Variants in LRRTM4 observed in about 807,000 individuals in gnomAD.
LRRTM4 encodes the protein leucine rich repeat transmembrane neuronal 4, also known as leucine-rich repeat transmembrane neuronal protein 4.
LRRTM4 carries 25 observed loss-of-function variants against 47.6 expected under a neutral mutation model. The observed-to-expected ratio is 0.53, with a 90% CI of 0.38 to 0.73. The LOEUF (loss-of-function observed/expected upper bound fraction) is 0.73, where lower values mean the gene tolerates loss of function less well. Ranked by LOEUF, LRRTM4 falls within the 30% of genes least tolerant of loss-of-function variation. The pLI, the probability that LRRTM4 is intolerant of heterozygous loss-of-function variation, is 0.00. For synonymous variants in LRRTM4, 311 were observed against 269.5 expected, an observed-to-expected ratio of 1.15 and a Z score of -1.51; for missense variants, 638 against 713.4, an observed-to-expected ratio of 0.89 and a Z score of 1.20.
chr2:76,855,323 C>A (rs377619625), intron 3 of LRRTM4, among the ~76,000 whole-genome samples: 2 of 152,114 alleles, frequency 1.3e-5, no homozygotes, highest in Admixed American at 6.6e-5. Flanking sequence ...ATTATGAATG[C>A]CCTGCCTTAC....
chr2:77,372,118 T>G (rs1226560477), intron 3 of LRRTM4, among the ~76,000 whole-genome samples: 1 of 151,686 alleles, frequency 6.6e-6, no homozygotes, highest in African/African-American at 2.4e-5. Context: ...AATATGACAA[T>G]AGGCTGCTGG....
intron 3 of LRRTM4, among the ~76,000 whole-genome samples, chr2:77,005,735 C>T (rs777780183): frequency 3.9e-5 from 6 of 152,236 alleles, no homozygotes; most frequent in South Asian, 2.1e-4. Flanking sequence ...ATTCACCTTC[C>T]GCAGTGATTG....
At chr2:77,300,462 A>T (rs186847605) in intron 3 of LRRTM4, among the ~76,000 whole-genome samples, 1 of 152,180 alleles carries the variant, frequency 6.6e-6, no homozygotes, top group Non-Finnish European at 1.5e-5. Flanking sequence ...CTAGATGGGT[A>T]ATTTAGAGCT....
chr2:76,920,474 A>T (rs1211835968), intron 3 of LRRTM4, among the ~76,000 whole-genome samples: 1 of 152,132 alleles, frequency 6.6e-6, no homozygotes, highest in Non-Finnish European at 1.5e-5. Context: ...CACTTGTGTG[A>T]AAGTCTGACA....
chr2:77,361,306 CTG>C (rs922325624), intron 3 of LRRTM4, among the ~76,000 whole-genome samples: 5 of 151,018 alleles, frequency 3.3e-5, no homozygotes, highest in South Asian at 2.1e-4. Context: ...AAAACAAACT[CTG>C]TGCATTATTC....
At chr2:77,424,311 T>C (rs1376905543) in intron 3 of LRRTM4, among the ~76,000 whole-genome samples, 3 of 152,072 alleles carry the variant, frequency 2.0e-5, no homozygotes, top group South Asian at 4.1e-4. Context: ...TAGAAAAAAA[T>C]GTTGAGAATT....
chr2:77,010,536 A>ACACACG, intron 3 of LRRTM4, among the ~76,000 whole-genome samples: 1 of 124,612 alleles, frequency 8.0e-6, no homozygotes, highest in East Asian at 2.9e-4. Flanking sequence ...ACACACACAC[A>ACACACG]CACACACACA....
intron 3 of LRRTM4, among the ~76,000 whole-genome samples, chr2:77,333,838 C>T (rs1671059840): frequency 6.6e-6 from 1 of 152,102 alleles, no homozygotes; most frequent in Non-Finnish European, 1.5e-5. Context: ...CAACTTGCAC[C>T]ATGCACCTGG....
At chr2:77,316,965 A>G (rs868630125) in intron 3 of LRRTM4, among the ~76,000 whole-genome samples, 3 of 152,240 alleles carry the variant, frequency 2.0e-5, no homozygotes, top group Non-Finnish European at 2.9e-5. Flanking sequence ...TAATAAACAC[A>G]TAAGTTTTTC....
intron 3 of LRRTM4, among the ~76,000 whole-genome samples, chr2:77,500,203 C>A (rs2104073323): frequency 6.6e-6 from 1 of 151,830 alleles, no homozygotes; most frequent in East Asian, 1.9e-4. Flanking sequence ...GGCTTTTCCT[C>A]CTCAGAATTA....
chr2:77,483,368 T>C (rs577915746), intron 3 of LRRTM4, among the ~76,000 whole-genome samples: 1 of 152,054 alleles, frequency 6.6e-6, no homozygotes, highest in South Asian at 2.1e-4. Context: ...AGGGGGACAG[T>C]CTCTCTCTGT....
At chr2:77,457,955 T>C (rs1162141987) in intron 3 of LRRTM4, among the ~76,000 whole-genome samples, 1 of 152,096 alleles carries the variant, frequency 6.6e-6, no homozygotes, top group Non-Finnish European at 1.5e-5. Flanking sequence ...AGACAATGTA[T>C]TTAGAGAAAG....
intron 3 of LRRTM4, among the ~76,000 whole-genome samples, chr2:77,016,321 G>A (rs1407883854): frequency 7.3e-5 from 11 of 151,470 alleles, no homozygotes; most frequent in African/African-American, 2.4e-5. Flanking sequence ...GGGAGGCAGA[G>A]GTTGCAGTGA....
intron 3 of LRRTM4, among the ~76,000 whole-genome samples, chr2:77,383,348 G>A (rs1673135566): frequency 6.6e-6 from 1 of 151,828 alleles, no homozygotes; most frequent in African/African-American, 2.4e-5. Context: ...GGGGTTTTCT[G>A]TGTTCTTTGT....
chr2:77,056,815 C>A (rs117393544), intron 3 of LRRTM4, among the ~76,000 whole-genome samples: 1 of 152,158 alleles, frequency 6.6e-6, no homozygotes, highest in Admixed American at 6.5e-5. Flanking sequence ...TCTGCTTATT[C>A]TCTAATTTCC....
intron 3 of LRRTM4, among the ~76,000 whole-genome samples, chr2:77,498,880 CA>C: frequency 6.6e-6 from 1 of 151,858 alleles, no homozygotes; most frequent in East Asian, 1.9e-4. Context: ...AATGCCTGCA[CA>C]CAGAAATTCT....
At chr2:77,081,010 A>T (rs1234788440) in intron 3 of LRRTM4, among the ~76,000 whole-genome samples, 1 of 152,078 alleles carries the variant, frequency 6.6e-6, no homozygotes, top group Non-Finnish European at 1.5e-5. Context: ...TAACTGCCTC[A>T]ATTATTTTCT....
intron 3 of LRRTM4, among the ~76,000 whole-genome samples, chr2:77,456,064 G>C (rs1002693512): frequency 6.6e-6 from 1 of 151,958 alleles, no homozygotes; most frequent in Non-Finnish European, 1.5e-5. Context: ...CCCCTACCTT[G>C]AGCTCTTTCA....
intron 3 of LRRTM4, among the ~76,000 whole-genome samples, chr2:77,103,384 G>T (rs1029022557): frequency 1.3e-5 from 2 of 152,022 alleles, no homozygotes; most frequent in Admixed American, 6.5e-5. Flanking sequence ...CATCTCTTTT[G>T]TCATAAAAGA....
Sources: allele counts gnomAD v4.1 joint callset (sites outside exome capture counted in the v4.1 genomes callset), GRCh38; gene constraint gnomAD v4.1.1; transcripts MANE v1.5; gene names NCBI Gene and HGNC (gene_info 2026-07-23, HGNC 2026-07-21).